Variants in GREM2 observed in about 807,000 individuals in gnomAD.
GREM2 encodes gremlin 2, DAN family BMP antagonist.
GREM2 carries 11 observed loss-of-function variants against 14.2 expected under a neutral mutation model. The observed-to-expected ratio is 0.78, with a 90% CI of 0.49 to 1.28. GREM2 has a LOEUF of 1.28. Among genes scored for constraint, GREM2 ranks in the 50% most tolerant of loss-of-function variants. The pLI, the probability that GREM2 is intolerant of heterozygous loss-of-function variation, is 0.00. For synonymous variants in GREM2, 98 were observed against 97.6 expected (o/e 1.00, Z -0.02); for missense variants, 210 against 218.5 (o/e 0.96, Z 0.24).
intron 1 of GREM2, among the ~76,000 whole-genome samples, chr1:240,513,844 T>G (rs1677891152): frequency 6.6e-6 from 1 of 152,188 alleles, no homozygotes; most frequent in Admixed American, 6.5e-5. Flanking sequence ...GGTGAGAATG[T>G]AAGTGGAAGA....
intron 1 of GREM2, among the ~76,000 whole-genome samples, chr1:240,598,182 G>A (rs1371490312): frequency 6.6e-6 from 1 of 152,180 alleles, no homozygotes; most frequent in Non-Finnish European, 1.5e-5. Context: ...ATGCATACTG[G>A]TTTTCACGGT....
chr1:240,563,512 T>C (rs528236728), intron 1 of GREM2, among the ~76,000 whole-genome samples: 4 of 152,336 alleles, frequency 2.6e-5, no homozygotes, highest in African/African-American at 9.6e-5. Flanking sequence ...AAATGTTCCG[T>C]GCCCAGCTAT....
At chr1:240,604,306 C>CGTGTGTGT (rs774984288) in intron 1 of GREM2, among the ~76,000 whole-genome samples, 2 of 117,358 alleles carry the variant, frequency 1.7e-5, no homozygotes, top group East Asian at 3.3e-4. Flanking sequence ...TATAACTATA[C>CGTGTGTGT]GTATGTGTGT....
At chr1:240,502,474 C>T (rs570017547) in intron 1 of GREM2, among the ~76,000 whole-genome samples, 2 of 152,150 alleles carry the variant, frequency 1.3e-5, no homozygotes, top group South Asian at 4.2e-4. Flanking sequence ...TTTCCATAAC[C>T]CTGTCTTCTC....
At chr1:240,546,824 T>C (rs904079304) in intron 1 of GREM2, among the ~76,000 whole-genome samples, 1 of 152,122 alleles carries the variant, frequency 6.6e-6, no homozygotes, top group Admixed American at 6.5e-5. Flanking sequence ...GCATCTTACA[T>C]GTCAGTAACA....
At chr1:240,565,846 CAAAA>C (rs57078582) in intron 1 of GREM2, among the ~76,000 whole-genome samples, 1 of 94,166 alleles carries the variant, frequency 1.1e-5, no homozygotes, top group Admixed American at 1.2e-4. Context: ...ACTCTGTCTC[CAAAA>C]AAAAAAAAAA....
At chr1:240,557,802 G>A (rs550201051) in intron 1 of GREM2, among the ~76,000 whole-genome samples, 18 of 151,982 alleles carry the variant, frequency 1.2e-4, no homozygotes, top group East Asian at 5.8e-4. Context: ...TGCCTGGAGA[G>A]CAACCACCCA....
intron 1 of GREM2, among the ~76,000 whole-genome samples, chr1:240,595,988 G>C (rs1308168290): frequency 6.6e-6 from 1 of 152,160 alleles, no homozygotes; most frequent in Non-Finnish European, 1.5e-5. Context: ...AGGCTTAAAT[G>C]CACTGGAAGA....
At chr1:240,565,542 A>G (rs1380032294) in intron 1 of GREM2, among the ~76,000 whole-genome samples, 1 of 152,100 alleles carries the variant, frequency 6.6e-6, no homozygotes, top group Non-Finnish European at 1.5e-5. Flanking sequence ...ATCATTCCAA[A>G]TAAGTATTTA....
At chr1:240,532,217 G>C (rs1678376896) in intron 1 of GREM2, among the ~76,000 whole-genome samples, 1 of 152,010 alleles carries the variant, frequency 6.6e-6, no homozygotes, top group Non-Finnish European at 1.5e-5. Flanking sequence ...CCGAATAGCT[G>C]GGATTATAGG....
chr1:240,508,047 G>A (rs1677721621), intron 1 of GREM2, among the ~76,000 whole-genome samples: 1 of 152,104 alleles, frequency 6.6e-6, no homozygotes, highest in African/African-American at 2.4e-5. Context: ...GCTGGTGCCT[G>A]GGCTTGAAAT....
chr1:240,511,759 T>C (rs1677838807), intron 1 of GREM2, among the ~76,000 whole-genome samples: 3 of 151,978 alleles, frequency 2.0e-5, no homozygotes, highest in South Asian at 4.1e-4. Flanking sequence ...AGACTCCATC[T>C]CAAAGAAAAA....
intron 1 of GREM2, among the ~76,000 whole-genome samples, chr1:240,603,834 TTATATATATATA>T (rs145566989): frequency 6.7e-5 from 10 of 149,646 alleles, no homozygotes; most frequent in Non-Finnish European, 1.3e-4. Flanking sequence ...TATATGTATT[TTATATATATATA>T]TATGCTATTG....
intron 1 of GREM2, among the ~76,000 whole-genome samples, chr1:240,555,502 A>C (rs368709744): frequency 2.6e-5 from 4 of 152,372 alleles, no homozygotes; most frequent in Admixed American, 1.3e-4. Context: ...TTTGTAAAAA[A>C]GTAAAAATGT....
At chr1:240,494,172 T>C (rs1677347420) in intron 1 of GREM2, among the ~76,000 whole-genome samples, 1 of 152,356 alleles carries the variant, frequency 6.6e-6, no homozygotes, top group South Asian at 2.1e-4. Context: ...TACATCTCAT[T>C]TACATGTATA....
chr1:240,547,282 C>T (rs558803543), intron 1 of GREM2, among the ~76,000 whole-genome samples: 8 of 151,836 alleles, frequency 5.3e-5, no homozygotes, highest in East Asian at 3.9e-4. Context: ...GGGCGGATCA[C>T]GAGGGCAGGA....
intron 1 of GREM2, among the ~76,000 whole-genome samples, chr1:240,610,472 A>C (rs368829892): frequency 6.6e-6 from 1 of 152,230 alleles, no homozygotes; most frequent in African/African-American, 2.4e-5. Context: ...CATTTCCTTT[A>C]ATGACAGAAA....
At chr1:240,538,558 T>C (rs1678523895) in intron 1 of GREM2, among the ~76,000 whole-genome samples, 1 of 151,200 alleles carries the variant, frequency 6.6e-6, no homozygotes, top group Non-Finnish European at 1.5e-5. Context: ...ATAATAATAA[T>C]AATACAAAAA....
intron 1 of GREM2, among the ~76,000 whole-genome samples, chr1:240,497,554 C>G (rs1005355516): frequency 2.7e-5 from 4 of 148,642 alleles, no homozygotes; most frequent in African/African-American, 1.0e-4. Context: ...TTCCTCAGGG[C>G]GATGATATGG....
Sources: allele counts gnomAD v4.1 joint callset (sites outside exome capture counted in the v4.1 genomes callset), GRCh38; gene constraint gnomAD v4.1.1; transcripts MANE v1.5; gene names NCBI Gene and HGNC (gene_info 2026-07-23, HGNC 2026-07-21).